ADCK1: variants seen among roughly 807,000 people sequenced by gnomAD.
ADCK1 encodes the protein aarF domain containing kinase 1.
In ADCK1, 41 loss-of-function variants were observed where a neutral mutation model predicts 52.3. That is an observed-to-expected ratio of 0.78 (90% CI 0.61 to 1.02). ADCK1 has a LOEUF of 1.02. Among genes scored for constraint, ADCK1 ranks in the 50% least tolerant of loss-of-function variants. The pLI is 0.00. For synonymous variants in ADCK1, 250 were observed against 274.6 expected (o/e 0.91, Z 0.89); for missense variants, 658 against 679.5 (o/e 0.97, Z 0.35).
intron 1 of ADCK1, among the ~76,000 whole-genome samples, chr14:77,813,104 G>A (rs1425412109): frequency 6.6e-6 from 1 of 151,808 alleles, no homozygotes; most frequent in Non-Finnish European, 1.5e-5. Context: ...CCGGGTTCAA[G>A]CAATTTTCCT....
At chr14:77,818,789 A>G (rs1056970811) in intron 1 of ADCK1, among the ~76,000 whole-genome samples, 179 bp from the exon 2 acceptor site, 1 of 152,138 alleles carries the variant, frequency 6.6e-6, no homozygotes, top group Non-Finnish European at 1.5e-5. Context: ...ATTTCATTTT[A>G]TCCCAACTAC....
chr14:77,836,769 C>CTT lies in ADCK1; in HGVS notation c.219+14253_219+14254dup, dbSNP rs1293120244. ...TATCTCCTCTACCTTTTCTTTCTTTCTTTCTTTTTTTTTTTTTTTTTTGAG... is the reference window on the plus strand; with the variant it reads ...TATCTCCTCTACCTTTTCTTTCTTTCTTTTTCTTTTTTTTTTTTTTTTTTGAG... On this transcript the variant is annotated intron_variant, in intron 3 of 10. Coordinates refer to ENST00000238561, the MANE Select transcript of ADCK1 (RefSeq NM_020421.4). Among the ~76,000 whole-genome samples, 178 of 75,228 alleles carry CTT rather than the reference C, an allele frequency of 2.4e-3. 3 individuals are homozygous for CTT. The highest frequency in any genetic ancestry group is 2.8e-3 in the Non-Finnish European group (97 of 35,168). 49.4% of individuals were successfully genotyped at this position (75,228 alleles called of 152,430 possible).
chr14:77,865,853 G>A (rs2082650126), intron 4 of ADCK1, among the ~76,000 whole-genome samples: 1 of 152,346 alleles, frequency 6.6e-6, no homozygotes, highest in South Asian at 2.1e-4. Context: ...GGAGCATCTA[G>A]TGCAAGCTTG....
intron 6 of ADCK1, among the ~76,000 whole-genome samples, chr14:77,903,691 T>C (rs1401462169): frequency 6.6e-6 from 1 of 152,096 alleles, no homozygotes; most frequent in Non-Finnish European, 1.5e-5. Context: ...CATTTCTGTA[T>C]GTGTGGAGGT....
At chr14:77,874,173 G>A (rs1024132201) in intron 4 of ADCK1, among the ~76,000 whole-genome samples, 2 of 152,200 alleles carry the variant, frequency 1.3e-5, no homozygotes, top group African/African-American at 4.8e-5. Context: ...GGAAGGAACT[G>A]CATGGGCTGC....
chr14:77,854,384 A>G (rs796313117), intron 3 of ADCK1, among the ~76,000 whole-genome samples: 11 of 152,328 alleles, frequency 7.2e-5, no homozygotes, highest in African/African-American at 2.6e-4. Flanking sequence ...TACAGCCATG[A>G]TACTGGATGA....
chr14:77,831,110 C>T (rs571925229), intron 3 of ADCK1, among the ~76,000 whole-genome samples: 2 of 152,264 alleles, frequency 1.3e-5, no homozygotes, highest in African/African-American at 4.8e-5. Context: ...CTTACCTACC[C>T]AGGCAGACAT....
At chr14:77,872,391 C>T (rs2082799001) in intron 4 of ADCK1, among the ~76,000 whole-genome samples, 1 of 152,204 alleles carries the variant, frequency 6.6e-6, no homozygotes, top group Non-Finnish European at 1.5e-5. Context: ...TGGGCGGGGC[C>T]AGCACCTTTC....
chr14:77,852,676 T>TATATATAC (rs2082319085), intron 3 of ADCK1, among the ~76,000 whole-genome samples: 1 of 32,846 alleles, frequency 3.0e-5, no homozygotes, highest in Non-Finnish European at 7.9e-5. Context: ...TATATATATA[T>TATATATAC]ATATATATAT....
intron 1 of ADCK1, among the ~76,000 whole-genome samples, chr14:77,810,647 C>T (rs990829562): frequency 2.6e-5 from 4 of 151,968 alleles, no homozygotes; most frequent in Non-Finnish European, 5.9e-5. Flanking sequence ...TTTCCTACCT[C>T]AGCCTCCCGA....
At chr14:77,830,602 A>T (rs1161272057) in intron 3 of ADCK1, among the ~76,000 whole-genome samples, 2 of 147,240 alleles carry the variant, frequency 1.4e-5, no homozygotes, top group Non-Finnish European at 3.0e-5. Context: ...CAGTTATTGA[A>T]TTTTTTTTTT....
intron 4 of ADCK1, among the ~76,000 whole-genome samples, chr14:77,866,039 A>G (rs1195847263): frequency 6.6e-6 from 1 of 152,178 alleles, no homozygotes; most frequent in Non-Finnish European, 1.5e-5. Flanking sequence ...ATGTTGCTTA[A>G]TGATGGTGAT....
chr14:77,838,110 G>C (rs536722716), intron 3 of ADCK1, among the ~76,000 whole-genome samples: 1 of 152,162 alleles, frequency 6.6e-6, no homozygotes. Context: ...GCCCCAAGCA[G>C]CTATTTTCTA....
intron 1 of ADCK1, among the ~76,000 whole-genome samples, chr14:77,809,058 G>C (rs1430734179): frequency 6.6e-6 from 1 of 152,200 alleles, no homozygotes; most frequent in African/African-American, 2.4e-5. Flanking sequence ...ATGAGGGATT[G>C]AGTGTGGAGG....
At chr14:77,817,745 T>TA (rs1422974498) in intron 1 of ADCK1, among the ~76,000 whole-genome samples, 3 of 151,884 alleles carry the variant, frequency 2.0e-5, no homozygotes, top group Non-Finnish European at 2.9e-5. Flanking sequence ...TCTTCTTTTT[T>TA]TTTTTTTTGA....
At chr14:77,863,374 T>A (rs1295145832) in intron 4 of ADCK1, among the ~76,000 whole-genome samples, 2 of 151,922 alleles carry the variant, frequency 1.3e-5, no homozygotes, top group African/African-American at 4.8e-5. Flanking sequence ...GTGGGAAGCT[T>A]GGGGATAGAG....
In ADCK1 at chr14:77,933,334, GA is replaced by G; in HGVS notation, c.1517del (p.Lys506SerfsTer9). On this transcript the variant is annotated frameshift_variant, in exon 11 of 11. Transcript: ENST00000238561. LOFTEE classifies it high-confidence loss of function. ...AGCTCATCCTGCGTGTGAAGGGGTT[GA>G]AGCTGGCTGACCGGGTCTTGGCCCT... ...HELILRVKGL[K>X]LADRVLALIC... 1.9e-6 allele frequency: 3 copies of G among 1,614,182 alleles called. No homozygotes were observed. Among genetic ancestry groups the G allele is most frequent in the Non-Finnish European group, 2.5e-6 (3 of 1,180,042 alleles).
intron 5 of ADCK1, among the ~76,000 whole-genome samples, chr14:77,897,395 C>A (rs1425118348): frequency 6.6e-6 from 1 of 152,174 alleles, no homozygotes; most frequent in Admixed American, 6.5e-5. Context: ...ACTTGGGCAC[C>A]CATCTCAAAT....
chr14:77,891,897 T>C (rs900139414), intron 5 of ADCK1, among the ~76,000 whole-genome samples: 1 of 152,194 alleles, frequency 6.6e-6, no homozygotes, highest in African/African-American at 2.4e-5. Flanking sequence ...ATTTTGTTTT[T>C]CTGTGTTGAG....
Sources: gnomAD v4.1 joint callset for allele counts (sites outside exome capture counted in the v4.1 genomes callset) on GRCh38, gnomAD v4.1.1 for gene constraint, MANE v1.5 for transcripts, NCBI Gene and HGNC (gene_info 2026-07-23, HGNC 2026-07-21) for gene names.